The following PDE1A variants were observed in gnomAD, a reference collection of about 807,000 sequenced individuals.
PDE1A encodes phosphodiesterase 1A, also known as dual specificity calcium/calmodulin-dependent 3',5'-cyclic nucleotide phosphodiesterase 1A.
A neutral mutation model predicts 61.7 loss-of-function variants in PDE1A; 35 were observed. The observed-to-expected ratio is 0.57, with a 90% CI of 0.43 to 0.75. The LOEUF (loss-of-function observed/expected upper bound fraction) is 0.75. Ranked by LOEUF, PDE1A falls within the 30% of genes least tolerant of loss-of-function variation. The probability of loss-of-function intolerance (pLI) is 0.00; values close to 1 mark genes in which losing one functional copy is unlikely to be tolerated. For synonymous variants in PDE1A, 232 were observed against 213.2 expected (o/e 1.09, Z -0.77); for missense variants, 597 against 630.6 (o/e 0.95, Z 0.57).
the PDE1A span, among the ~76,000 whole-genome samples, chr2:182,619,219 C>G: frequency 6.6e-6 from 1 of 152,034 alleles, no homozygotes; most frequent in African/African-American, 2.4e-5. Context: ...AATTTGTTAG[C>G]TTTATTAATA....
At chr2:182,624,124 CAAAA>C in the PDE1A span, among the ~76,000 whole-genome samples, 1 of 110,012 alleles carries the variant, frequency 9.1e-6, no homozygotes, top group Admixed American at 9.1e-5. Context: ...GACTCCGTCT[CAAAA>C]AAAAAAAAAA....
At chr2:182,149,317 A>G (rs1690653393) in intron 13 of PDE1A, among the ~76,000 whole-genome samples, 1 of 152,224 alleles carries the variant, frequency 6.6e-6, no homozygotes, top group South Asian at 2.1e-4. Flanking sequence ...GTAATAAAAG[A>G]GTAAAAGAAA....
intron 1 of PDE1A, among the ~76,000 whole-genome samples, chr2:182,417,407 T>G (rs970404527): frequency 6.6e-6 from 1 of 152,200 alleles, no homozygotes; most frequent in Non-Finnish European, 1.5e-5. Flanking sequence ...TACCCAGAGA[T>G]TTTGATATAG....
the PDE1A span, among the ~76,000 whole-genome samples, chr2:182,542,616 A>G: frequency 6.6e-5 from 10 of 152,278 alleles, no homozygotes; most frequent in African/African-American, 2.4e-4. Context: ...AGCATGTTCT[A>G]TTATTTTATT....
chr2:182,235,160 T>C (rs1689909086), intron 3 of PDE1A, among the ~76,000 whole-genome samples: 1 of 152,248 alleles, frequency 6.6e-6, no homozygotes, highest in African/African-American at 2.4e-5. Context: ...CTTTTTCTTT[T>C]TGAGACAGAG....
intron 7 of PDE1A, among the ~76,000 whole-genome samples, chr2:182,218,219 T>C (rs1688388898): frequency 7.2e-6 from 1 of 139,370 alleles, no homozygotes; most frequent in South Asian, 2.3e-4. Flanking sequence ...AATTGAACAA[T>C]GAGAACACAT....
At chr2:182,455,856 T>C (rs890445027) in intron 2 of PDE1A, among the ~76,000 whole-genome samples, 2 of 151,588 alleles carry the variant, frequency 1.3e-5, no homozygotes, top group Non-Finnish European at 2.9e-5. Context: ...TGTATACATA[T>C]GTAACAAACC....
At chr2:182,592,048 T>C in the PDE1A span, among the ~76,000 whole-genome samples, 1 of 152,122 alleles carries the variant, frequency 6.6e-6, no homozygotes, top group Non-Finnish European at 1.5e-5. Flanking sequence ...CTGATTAGAG[T>C]ATTTCAAATG....
chr2:182,187,905 C>T lies in PDE1A; in HGVS notation c.1207+1074G>A, dbSNP rs546843932. ...GATTACAGGTGCATGCCACCACGCC[C>T]GGCTAATTTTTTGTATTTTTTAGTA... On this transcript the variant is annotated intron_variant, in intron 11 of 13. Coordinates refer to ENST00000351439, the Ensembl canonical transcript of PDE1A. 5.0e-3 allele frequency among the ~76,000 whole-genome samples: 761 copies of T among 151,704 alleles called. 10 individuals are homozygous for T. The highest frequency in any genetic ancestry group is 0.014 in the Middle Eastern group (4 of 294).
At chr2:182,599,674 T>G in the PDE1A span, among the ~76,000 whole-genome samples, 1 of 152,150 alleles carries the variant, frequency 6.6e-6, no homozygotes, top group Non-Finnish European at 1.5e-5. Context: ...CCCACTAGAT[T>G]TGAATTTCAG....
At chr2:182,321,728 C>T (rs1187802939) in intron 1 of PDE1A, among the ~76,000 whole-genome samples, 3 of 152,068 alleles carry the variant, frequency 2.0e-5, no homozygotes, top group Non-Finnish European at 4.4e-5. Flanking sequence ...TAGAAGGATT[C>T]TTTGACACTC....
At chr2:182,385,872 C>T (rs935011504) in intron 1 of PDE1A, among the ~76,000 whole-genome samples, 3 of 148,882 alleles carry the variant, frequency 2.0e-5, no homozygotes, top group Non-Finnish European at 3.0e-5. Context: ...TCTCCCTCTC[C>T]GTCTCCCTCT....
At chr2:182,669,947 G>A in the PDE1A span, among the ~76,000 whole-genome samples, 1 of 152,280 alleles carries the variant, frequency 6.6e-6, no homozygotes, top group East Asian at 1.9e-4. Flanking sequence ...GGCCACACAC[G>A]GGCCCATTTG....
intron 1 of PDE1A, among the ~76,000 whole-genome samples, chr2:182,371,502 A>T (rs1700127579): frequency 6.6e-6 from 1 of 152,226 alleles, no homozygotes. Context: ...AAGTACAAGC[A>T]GACTGCCCCA....
At chr2:182,147,533 C>G (rs1320125941) in intron 13 of PDE1A, among the ~76,000 whole-genome samples, 3 of 152,114 alleles carry the variant, frequency 2.0e-5, no homozygotes, top group African/African-American at 7.2e-5. Context: ...CCATACATTG[C>G]TTAGTTGCTA....
At chr2:182,689,849 TC>T in the PDE1A span, among the ~76,000 whole-genome samples, 2 of 152,032 alleles carry the variant, frequency 1.3e-5, no homozygotes, top group Non-Finnish European at 1.5e-5. Flanking sequence ...AAAGGGGATA[TC>T]ACCATCGATC....
At chr2:182,630,883 AT>A in the PDE1A span, among the ~76,000 whole-genome samples, 1 of 151,702 alleles carries the variant, frequency 6.6e-6, no homozygotes, top group South Asian at 2.1e-4. Context: ...TTTCCCTTCC[AT>A]TTTCTTACTT....
intron 2 of PDE1A, among the ~76,000 whole-genome samples, chr2:182,242,297 T>C (rs191072354): frequency 6.6e-6 from 1 of 152,322 alleles, no homozygotes; most frequent in East Asian, 1.9e-4. Context: ...GAGTGGTACT[T>C]AGGAGGCTGG....
the PDE1A span, among the ~76,000 whole-genome samples, chr2:182,643,443 G>A: frequency 6.6e-6 from 1 of 152,098 alleles, no homozygotes; most frequent in Non-Finnish European, 1.5e-5. Flanking sequence ...ACTGCCCTCA[G>A]TCTTACCTTG....
Sources: gnomAD v4.1 joint callset for allele counts (sites outside exome capture counted in the v4.1 genomes callset) on GRCh38, gnomAD v4.1.1 for gene constraint, MANE v1.5 for transcripts, NCBI Gene and HGNC (gene_info 2026-07-23, HGNC 2026-07-21) for gene names.